Variants in RPS6KC1 observed in about 807,000 individuals in gnomAD.
The protein encoded by RPS6KC1 is inactive ribosomal protein S6 kinase delta-1.
In RPS6KC1, 54 loss-of-function variants were observed where a neutral mutation model predicts 103.8. That is an observed-to-expected ratio of 0.52 (90% CI 0.42 to 0.65). RPS6KC1 has a LOEUF of 0.65. Among genes scored for constraint, RPS6KC1 ranks in the 30% least tolerant of loss-of-function variants. RPS6KC1 has a pLI of 0.00. For missense variants in RPS6KC1, 1,151 were observed against 1,253.8 expected, an observed-to-expected ratio of 0.92 and a Z score of 1.24; for synonymous variants, 439 against 438.7, an observed-to-expected ratio of 1.00 and a Z score of -0.01.
At chr1:213,086,840 C>T (rs891199390) in intron 3 of RPS6KC1, among the ~76,000 whole-genome samples, 2 of 151,936 alleles carry the variant, frequency 1.3e-5, no homozygotes, top group Admixed American at 6.6e-5. Context: ...TATATGTGCA[C>T]GTGTATTATA....
At chr1:213,381,493 A>T in the RPS6KC1 span, among the ~76,000 whole-genome samples, 1 of 151,840 alleles carries the variant, frequency 6.6e-6, no homozygotes, top group Non-Finnish European at 1.5e-5. Flanking sequence ...GAGGAGAGAG[A>T]GAGAGGCAGC....
At chr1:213,286,385 CAG>C in the RPS6KC1 span, among the ~76,000 whole-genome samples, 11 of 152,184 alleles carry the variant, frequency 7.2e-5, no homozygotes, top group South Asian at 4.1e-4. Context: ...TAAGATAACA[CAG>C]AAACTATCAA....
chr1:213,583,666 C>T, the RPS6KC1 span, among the ~76,000 whole-genome samples: 1 of 151,532 alleles, frequency 6.6e-6, no homozygotes, highest in African/African-American at 2.4e-5. Flanking sequence ...TTGAAAAATA[C>T]AAAACTTAGC....
chr1:213,752,177 G>T, the RPS6KC1 span, among the ~76,000 whole-genome samples: 2 of 152,072 alleles, frequency 1.3e-5, no homozygotes, highest in African/African-American at 4.8e-5. Context: ...CCTTCGATAG[G>T]TCAGAAGCAG....
At chr1:213,516,678 G>T in the RPS6KC1 span, among the ~76,000 whole-genome samples, 1 of 152,146 alleles carries the variant, frequency 6.6e-6, no homozygotes, top group Non-Finnish European at 1.5e-5. Flanking sequence ...CAGGGATATT[G>T]GTCTAAAATT....
the RPS6KC1 span, among the ~76,000 whole-genome samples, chr1:213,386,312 C>A: frequency 3.9e-5 from 6 of 152,154 alleles, no homozygotes; most frequent in Non-Finnish European, 5.9e-5. Flanking sequence ...CCAAAAAAAA[C>A]CCCTCTTTTT....
intron 14 of RPS6KC1, among the ~76,000 whole-genome samples, chr1:213,263,608 TA>T (rs200009547): frequency 0.035 from 5,200 of 148,980 alleles, 120 homozygotes; most frequent in Admixed American, 0.055. Flanking sequence ...AACATGGATT[TA>T]AAAAAAAAAG....
the RPS6KC1 span, among the ~76,000 whole-genome samples, chr1:213,674,143 C>T: frequency 1.3e-5 from 2 of 152,256 alleles, no homozygotes; most frequent in African/African-American, 4.8e-5. Context: ...CTCAGTCTCC[C>T]GAGTAGCTGG....
the RPS6KC1 span, among the ~76,000 whole-genome samples, chr1:213,325,601 G>T: frequency 6.6e-6 from 1 of 152,210 alleles, no homozygotes; most frequent in African/African-American, 2.4e-5. Flanking sequence ...GCCCTGGGGG[G>T]CCTGAGGGGT....
the RPS6KC1 span, among the ~76,000 whole-genome samples, chr1:213,412,393 G>C: frequency 2.0e-5 from 3 of 152,200 alleles, no homozygotes; most frequent in Non-Finnish European, 4.4e-5. Flanking sequence ...CATGCTGGGG[G>C]CCCAGCCTGA....
the RPS6KC1 span, among the ~76,000 whole-genome samples, chr1:213,558,529 C>T: frequency 2.1e-3 from 327 of 152,332 alleles, no homozygotes; most frequent in Non-Finnish European, 4.1e-3. Context: ...CCTTCTTTCA[C>T]AAACTACCCA....
chr1:213,658,959 CTTTTCTTTT>C, the RPS6KC1 span, among the ~76,000 whole-genome samples: 3 of 151,998 alleles, frequency 2.0e-5, no homozygotes, highest in African/African-American at 4.8e-5. Context: ...TTTTTCTTTT[CTTTTCTTTT>C]TTTTCTTTTT....
chr1:213,098,292 A>G (rs1572509517), intron 3 of RPS6KC1, among the ~76,000 whole-genome samples: 1 of 139,570 alleles, frequency 7.2e-6, no homozygotes, highest in East Asian at 2.1e-4. Context: ...ATGTGCCACC[A>G]TGCCCGGCTA....
At chr1:213,091,134 T>C (rs1167864303) in intron 3 of RPS6KC1, among the ~76,000 whole-genome samples, 7 of 152,092 alleles carry the variant, frequency 4.6e-5, no homozygotes, top group African/African-American at 7.2e-5. Flanking sequence ...CTCGGCTTAC[T>C]GCAAGCTCTG....
chr1:213,827,102 T>A, the RPS6KC1 span, among the ~76,000 whole-genome samples: 1 of 152,152 alleles, frequency 6.6e-6, no homozygotes, highest in Admixed American at 6.5e-5. Context: ...CTTTTGCATA[T>A]GTGTGACTGG....
At chr1:213,441,071 G>A in the RPS6KC1 span, among the ~76,000 whole-genome samples, 1 of 152,146 alleles carries the variant, frequency 6.6e-6, no homozygotes, top group Non-Finnish European at 1.5e-5. Context: ...ACAGCTCTTC[G>A]GGGGATTCTG....
chr1:213,649,772 A>G, the RPS6KC1 span, among the ~76,000 whole-genome samples: 1 of 152,214 alleles, frequency 6.6e-6, no homozygotes, highest in Non-Finnish European at 1.5e-5. Flanking sequence ...TACCGAGCAC[A>G]TCTGACTCGT....
the RPS6KC1 span, among the ~76,000 whole-genome samples, chr1:213,553,899 T>G: frequency 6.6e-6 from 1 of 152,208 alleles, no homozygotes. Context: ...GCTTGTTGAT[T>G]TAAATTCCTT....
the RPS6KC1 span, among the ~76,000 whole-genome samples, chr1:213,838,423 A>G: frequency 2.0e-5 from 3 of 152,216 alleles, no homozygotes; most frequent in South Asian, 6.2e-4. Flanking sequence ...TGGCCCTTCC[A>G]TCTTCTTTCC....
Sources: gnomAD v4.1 joint callset for allele counts (sites outside exome capture counted in the v4.1 genomes callset) on GRCh38, gnomAD v4.1.1 for gene constraint, MANE v1.5 for transcripts, NCBI Gene and HGNC (gene_info 2026-07-23, HGNC 2026-07-21) for gene names.